Variants in CLVS1 observed in about 807,000 individuals in gnomAD.
CLVS1 encodes clavesin 1.
A neutral mutation model predicts 33.1 loss-of-function variants in CLVS1; 10 were observed. That is an observed-to-expected ratio of 0.30 (90% CI 0.19 to 0.51). The LOEUF is 0.51. Among genes scored for constraint, CLVS1 ranks in the 20% least tolerant of loss-of-function variants. The pLI, the probability that CLVS1 is intolerant of heterozygous loss-of-function variation, is 0.97. For missense variants in CLVS1, 343 were observed against 433.4 expected (o/e 0.79, Z 1.85); for synonymous variants, 163 against 166.1 (o/e 0.98, Z 0.14).
At chr8:61,321,397 AT>A (rs891512097) in intron 2 of CLVS1, among the ~76,000 whole-genome samples, 4 of 149,420 alleles carry the variant, frequency 2.7e-5, no homozygotes, top group African/African-American at 9.9e-5. Flanking sequence ...GGGTGATCTG[AT>A]TTTTTTTTCT....
intron 3 of CLVS1, among the ~76,000 whole-genome samples, chr8:61,400,740 G>GA: frequency 6.6e-6 from 1 of 152,258 alleles, no homozygotes; most frequent in East Asian, 1.9e-4. Context: ...TTGTTAACAT[G>GA]AAACGATGTT....
chr8:61,352,479 A>T (rs1448100022), intron 2 of CLVS1, among the ~76,000 whole-genome samples: 3 of 152,082 alleles, frequency 2.0e-5, no homozygotes, highest in Non-Finnish European at 2.9e-5. Context: ...AGAGACAGAG[A>T]TTAGCAGTGG....
At chr8:61,470,077 A>G (rs1353021069) in intron 5 of CLVS1, among the ~76,000 whole-genome samples, 55 of 152,348 alleles carry the variant, frequency 3.6e-4, no homozygotes, top group Non-Finnish European at 2.9e-5. Context: ...AACATTTCTT[A>G]AAGATTGAAG....
intron 2 of CLVS1, among the ~76,000 whole-genome samples, chr8:61,217,718 A>G (rs1808120022): frequency 6.6e-6 from 1 of 152,230 alleles, no homozygotes; most frequent in Non-Finnish European, 1.5e-5. Flanking sequence ...GAGTGAATAG[A>G]CAACCCACAG....
Position 61,362,220 on chromosome 8 carries a change from A to G in CLVS1, c.456-14385A>G, listed in dbSNP as rs76951838. On this transcript the variant is annotated intron_variant, in intron 2 of 5. Coordinates refer to ENST00000325897, the MANE Select transcript of CLVS1 (RefSeq NM_173519.3). Reference sequence around the variant, plus strand: ...CCTGTGGTAGGAAGGTCTCCCTAAGAATGGGACATTTGGCCAAGACCTGAA... The same window carrying G: ...CCTGTGGTAGGAAGGTCTCCCTAAGGATGGGACATTTGGCCAAGACCTGAA... Among the ~76,000 whole-genome samples, 247 of 152,302 alleles carry G rather than the reference A, an allele frequency of 1.6e-3. 1 individual carries two copies. The highest frequency in any genetic ancestry group is 5.5e-3 in the African/African-American group (229 of 41,562).
chr8:61,289,900 C>T (rs1169919467), intron 1 of CLVS1, among the ~76,000 whole-genome samples: 1 of 152,186 alleles, frequency 6.6e-6, no homozygotes, highest in Non-Finnish European at 1.5e-5. Flanking sequence ...AATTCATTCA[C>T]TTTTGGATCC....
intron 2 of CLVS1, among the ~76,000 whole-genome samples, chr8:61,349,517 AAC>A (rs1812361758): frequency 6.6e-6 from 1 of 151,982 alleles, no homozygotes; most frequent in Non-Finnish European, 1.5e-5. Flanking sequence ...TGAGGTGGGG[AAC>A]AGTGAGAGGA....
At chr8:61,248,622 A>G (rs539545477) in intron 2 of CLVS1, among the ~76,000 whole-genome samples, 4 of 148,164 alleles carry the variant, frequency 2.7e-5, no homozygotes, top group South Asian at 2.2e-4. Flanking sequence ...TTTTGAATAC[A>G]TTTTTTTAAT....
intron 5 of CLVS1, among the ~76,000 whole-genome samples, chr8:61,472,918 T>A (rs1036537431): frequency 2.0e-5 from 3 of 152,262 alleles, no homozygotes; most frequent in East Asian, 3.9e-4. Context: ...GTGGTTAACC[T>A]GGCGGACACT....
chr8:61,077,479 ATTATTATTATTATTG>A (rs1489905500), intron 1 of CLVS1, among the ~76,000 whole-genome samples: 130 of 126,794 alleles, frequency 1.0e-3, no homozygotes, highest in African/African-American at 3.6e-3. Context: ...TATTATTATT[ATTATTATTATTATTG>A]AGACGGAGTC....
At chr8:61,185,923 T>C (rs937805998) in intron 2 of CLVS1, among the ~76,000 whole-genome samples, 1 of 152,260 alleles carries the variant, frequency 6.6e-6, no homozygotes, top group Non-Finnish European at 1.5e-5. Context: ...TTGGTATTAC[T>C]GCCATGTTTC....
At chr8:61,477,329 G>T (rs1554578920) in intron 5 of CLVS1, among the ~76,000 whole-genome samples, 2 of 151,154 alleles carry the variant, frequency 1.3e-5, no homozygotes, top group Non-Finnish European at 3.0e-5. Flanking sequence ...GAGTTAGGGA[G>T]GATTCCTTCT....
chr8:61,196,502 G>A (rs1807612115), intron 2 of CLVS1, among the ~76,000 whole-genome samples: 1 of 152,178 alleles, frequency 6.6e-6, no homozygotes, highest in Non-Finnish European at 1.5e-5. Flanking sequence ...AATGGAATGT[G>A]TTTATTCATG....
At chr8:61,376,902 G>A in intron 3 of CLVS1, 123 bp downstream of exon 3, 1 of 848,304 alleles carries the variant, frequency 1.2e-6, no homozygotes, top group East Asian at 2.8e-5. Context: ...AAATTCATCT[G>A]AGTACTCCAT....
intron 1 of CLVS1, among the ~76,000 whole-genome samples, chr8:61,122,007 CA>C (rs1220810051): frequency 1.3e-5 from 2 of 152,212 alleles, no homozygotes; most frequent in Admixed American, 6.5e-5. Context: ...TGGCGCATTA[CA>C]ATACCTGTAG....
chr8:61,150,143 G>C (rs1563421717), intron 2 of CLVS1, among the ~76,000 whole-genome samples: 2 of 87,778 alleles, frequency 2.3e-5, no homozygotes, highest in Admixed American at 2.1e-4. Context: ...TCCTGCAAGG[G>C]GATGGACTCG....
Position 61,255,691 on chromosome 8 carries a change from G to T in CLVS1, c.-151-43986G>T, listed in dbSNP as rs907825567. Among the ~76,000 whole-genome samples, 7 of 152,296 alleles carry T rather than the reference G, an allele frequency of 4.6e-5. No homozygotes were observed. In the South Asian group the frequency reaches 8.3e-4, roughly 18 times the overall value. On this transcript the variant is annotated intron_variant, in intron 2 of 2. Coordinates refer to the CLVS1 transcript ENST00000522621. ...TTCAAGCAACACAATAGAGGAGGAA[G>T]AGAGGTCAAATAAATCTCTAGGGCA...
chr8:61,417,348 A>AT (rs1487936798), intron 3 of CLVS1, among the ~76,000 whole-genome samples: 5 of 152,260 alleles, frequency 3.3e-5, no homozygotes, highest in African/African-American at 4.8e-5. Context: ...TCTATGCTAT[A>AT]TTTTTTTCTC....
chr8:61,087,089 C>A (rs760698909), intron 1 of CLVS1, among the ~76,000 whole-genome samples: 23 of 152,210 alleles, frequency 1.5e-4, no homozygotes, highest in Non-Finnish European at 3.1e-4. Flanking sequence ...CTCCATCCTC[C>A]AGCTCCGAAA....
Sources: allele counts gnomAD v4.1 joint callset (sites outside exome capture counted in the v4.1 genomes callset), GRCh38; gene constraint gnomAD v4.1.1; transcripts MANE v1.5; gene names NCBI Gene and HGNC (gene_info 2026-07-23, HGNC 2026-07-21).